Variants in GLIS3 observed in about 807,000 individuals in gnomAD.
GLIS3 encodes zinc finger protein GLIS3.
In GLIS3, 53 loss-of-function variants were observed where a neutral mutation model predicts 78.6. The ratio of observed to expected loss-of-function variants is 0.67; its 90% CI spans 0.54 to 0.85. The LOEUF is 0.85. GLIS3 is among the 40% of genes least tolerant of loss of function. The pLI is 0.00. For synonymous variants in GLIS3, 684 were observed against 509.9 expected, an observed-to-expected ratio of 1.34 and a Z score of -4.60; for missense variants, 1,703 against 1,231.1, an observed-to-expected ratio of 1.38 and a Z score of -5.74.
At chr9:4,058,805 C>T (rs975265450) in intron 4 of GLIS3, among the ~76,000 whole-genome samples, 2 of 151,858 alleles carry the variant, frequency 1.3e-5, no homozygotes, top group East Asian at 1.9e-4. Context: ...ACAGTGAAAC[C>T]CCATCTCTAC....
At chr9:4,485,266 C>T in the GLIS3 span, among the ~76,000 whole-genome samples, 6 of 151,912 alleles carry the variant, frequency 3.9e-5, no homozygotes, top group African/African-American at 7.3e-5. Flanking sequence ...CCATCCTCCT[C>T]GGCCTCCCAA....
chr9:3,907,564 T>C (rs1823792965), intron 6 of GLIS3, among the ~76,000 whole-genome samples: 1 of 151,416 alleles, frequency 6.6e-6, no homozygotes, highest in Admixed American at 6.6e-5. Context: ...CCCCAGTTTC[T>C]GTGTACTTTA....
In GLIS3 at chr9:4,118,997, T is replaced by A; in HGVS notation, c.597-116A>T. 1 of 1,106,576 alleles carries A rather than the reference T, an allele frequency of 9.0e-7. No homozygotes were observed. The allele number at this position is 1,106,576 out of a possible 1,614,324, so 68.5% of individuals were successfully genotyped here. A position where few individuals can be genotyped will look rare whatever the true frequency, so the allele number is the denominator to read the frequency against. On this transcript the variant is annotated intron_variant, in intron 3 of 10. Coordinates refer to ENST00000381971, the MANE Select transcript of GLIS3 (RefSeq NM_001042413.2). This position sits in a 1 kb window ranked among gnomAD's most constrained non-coding sequence, Gnocchi z 4.7. ...CAATCCCTTAAGTATTTCCCCTAATTACATTCTGTGCTAAACACACATTCT... is the reference window on the plus strand; with the variant it reads ...CAATCCCTTAAGTATTTCCCCTAATAACATTCTGTGCTAAACACACATTCT...
chr9:3,905,776 C>T (rs559551086), intron 6 of GLIS3, among the ~76,000 whole-genome samples: 2 of 152,262 alleles, frequency 1.3e-5, no homozygotes, highest in South Asian at 2.1e-4. Context: ...CAGGATACCT[C>T]CCTTTACTCT....
At chr9:4,200,900 G>A (rs1176286844) in intron 2 of GLIS3, among the ~76,000 whole-genome samples, 4 of 152,178 alleles carry the variant, frequency 2.6e-5, no homozygotes, top group East Asian at 3.9e-4. Flanking sequence ...AAAACTACAG[G>A]CCAATATCCC....
intron 2 of GLIS3, among the ~76,000 whole-genome samples, chr9:4,220,318 A>T (rs556727874): frequency 1.3e-5 from 2 of 152,362 alleles, no homozygotes; most frequent in South Asian, 4.1e-4. Context: ...GAGCAATAAG[A>T]TATTTAAATA....
intron 2 of GLIS3, among the ~76,000 whole-genome samples, chr9:4,322,515 C>T (rs1288511167): frequency 1.3e-5 from 2 of 152,204 alleles, no homozygotes; most frequent in Non-Finnish European, 2.9e-5. Context: ...TACACTCCCA[C>T]CAATAGTGTA....
chr9:4,384,799 C>T, the GLIS3 span, among the ~76,000 whole-genome samples: 1 of 152,080 alleles, frequency 6.6e-6, no homozygotes, highest in East Asian at 1.9e-4. Flanking sequence ...TCTCCCACTC[C>T]CACCCACTCA....
intron 6 of GLIS3, among the ~76,000 whole-genome samples, chr9:3,905,124 C>T (rs973280818): frequency 3.3e-5 from 5 of 150,560 alleles, no homozygotes; most frequent in Admixed American, 2.0e-4. Flanking sequence ...AGGCGCCTGC[C>T]GCCACGCCCG....
chr9:4,356,647 C>A, the GLIS3 span, among the ~76,000 whole-genome samples: 1 of 152,186 alleles, frequency 6.6e-6, no homozygotes, highest in Non-Finnish European at 1.5e-5. Context: ...CAACAGAGTG[C>A]ATCAGATTTT....
At chr9:3,955,980 C>CTGCTCCCAT (rs1817073942) in intron 4 of GLIS3, among the ~76,000 whole-genome samples, 1 of 140,794 alleles carries the variant, frequency 7.1e-6, no homozygotes, top group Admixed American at 7.5e-5. Flanking sequence ...ATACCATAGA[C>CTGCTCCCAT]TGCTCCCATA....
At chr9:4,433,980 C>T in the GLIS3 span, among the ~76,000 whole-genome samples, 1 of 151,646 alleles carries the variant, frequency 6.6e-6, no homozygotes, top group Non-Finnish European at 1.5e-5. Flanking sequence ...CCTGTAATCC[C>T]AGCTACTTGG....
intron 8 of GLIS3, among the ~76,000 whole-genome samples, chr9:3,860,951 A>G (rs1041209869): frequency 6.6e-6 from 1 of 152,218 alleles, no homozygotes; most frequent in African/African-American, 2.4e-5. Flanking sequence ...CAATGTATCT[A>G]CTGGGCTAGA....
chr9:4,488,512 C>G, the GLIS3 span, among the ~76,000 whole-genome samples: 1 of 143,910 alleles, frequency 6.9e-6, no homozygotes, highest in African/African-American at 2.6e-5. Flanking sequence ...TTCTCTCGCG[C>G]ACGCTCTCTC....
At chr9:4,395,246 A>G in the GLIS3 span, among the ~76,000 whole-genome samples, 2 of 152,210 alleles carry the variant, frequency 1.3e-5, no homozygotes, top group African/African-American at 2.4e-5. Flanking sequence ...ACTATTTTAC[A>G]AGTATAATAT....
At chr9:4,261,822 G>C (rs550700404) in intron 2 of GLIS3, among the ~76,000 whole-genome samples, 38 of 152,152 alleles carry the variant, frequency 2.5e-4, no homozygotes, top group African/African-American at 8.9e-4. Flanking sequence ...CTCTTATCTT[G>C]AATCTCAAAA....
intron 2 of GLIS3, among the ~76,000 whole-genome samples, chr9:4,169,339 T>C (rs1042533215): frequency 3.3e-5 from 5 of 152,216 alleles, no homozygotes; most frequent in African/African-American, 7.2e-5. Context: ...CTAAGAAGTA[T>C]ACGAAGGCTT....
intron 4 of GLIS3, among the ~76,000 whole-genome samples, chr9:3,972,613 T>A (rs544202788): frequency 1.1e-4 from 16 of 152,294 alleles, no homozygotes; most frequent in Admixed American, 4.6e-4. Flanking sequence ...ACATTTCACA[T>A]AAGCCATCTT....
intron 6 of GLIS3, among the ~76,000 whole-genome samples, chr9:3,908,255 T>C (rs974245345): frequency 2.0e-5 from 3 of 152,200 alleles, no homozygotes; most frequent in Non-Finnish European, 2.9e-5. Context: ...TCTTGGTTGT[T>C]AGCTGCAATT....
Sources: allele counts gnomAD v4.1 joint callset (sites outside exome capture counted in the v4.1 genomes callset), GRCh38; gene constraint gnomAD v4.1.1; non-coding constraint Gnocchi (gnomAD v3.1); transcripts MANE v1.5; gene names NCBI Gene and HGNC (gene_info 2026-07-23, HGNC 2026-07-21).